BCL2L2: variants seen among roughly 807,000 people sequenced by gnomAD.
The protein encoded by BCL2L2 is bcl-2-like protein 2.
In BCL2L2, 6 loss-of-function variants were observed where a neutral mutation model predicts 14.6. The observed-to-expected ratio is 0.41, with a 90% CI of 0.22 to 0.81. The LOEUF (loss-of-function observed/expected upper bound fraction) is 0.81. Ranked by LOEUF, BCL2L2 falls within the 30% of genes least tolerant of loss-of-function variation. The pLI is 0.32. For missense variants in BCL2L2, 191 were observed against 260.5 expected (o/e 0.73, Z 1.84); for synonymous variants, 90 against 108.5 (o/e 0.83, Z 1.06).
chr14:23,310,985 C>T lies in BCL2L2; in HGVS notation c.*2020C>T. 7.8e-7 allele frequency: 1 copy of T among 1,289,634 alleles called. No homozygotes were observed. Among genetic ancestry groups the T allele is most frequent in the Non-Finnish European group, 1.0e-6 (1 of 988,704 alleles). The allele number at this position is 1,289,634 out of a possible 1,614,324, so 79.9% of individuals were successfully genotyped here. On this transcript the variant is annotated 3_prime_UTR_variant, in exon 4 of 4. Transcript: ENST00000250405. ...CTTCCTTCCCCAGGTATGGAGCACA[C>T]TCTTCACCCTACCCTCTACCACAGG...
rs1887462918 is a variant in BCL2L2 at position 23,309,325 on chromosome 14, A to C, written c.*360A>C. 9.5e-7 allele frequency: 1 copy of C among 1,050,472 alleles called. No individual in the cohort carries two copies. Among genetic ancestry groups the C allele is most frequent in the South Asian group, 4.6e-5 (1 of 21,900 alleles). The allele number at this position is 1,050,472 out of a possible 1,614,324, so 65.1% of individuals were successfully genotyped here. On this transcript the variant is annotated 3_prime_UTR_variant, in exon 4 of 4. Coordinates refer to ENST00000250405, the MANE Select transcript of BCL2L2 (RefSeq NM_004050.5). The stretch of plus-strand genomic sequence containing the variant: ...ATAAGCAGCTGTATTCCATTAGATG[A>C]GTGGGATTTAGGGAACGCAGAAGGC...
Position 23,308,433 on chromosome 14 carries a change from C to G in BCL2L2, c.432+234C>G, listed in dbSNP as rs185924901. On this transcript the variant is annotated intron_variant, in intron 3 of 3. Coordinates refer to ENST00000250405, the MANE Select transcript of BCL2L2 (RefSeq NM_004050.5). This position sits in a 1 kb window ranked among gnomAD's most constrained non-coding sequence, Gnocchi z 5.4. ...TCCCAAGCAGAGGACAGAATACACA[C>G]CCAAGGAGTGCCTGCAGGGGAATGT... 2.0e-5 allele frequency among the ~76,000 whole-genome samples: 3 copies of G among 152,190 alleles called. No homozygotes were observed. The highest frequency in any genetic ancestry group is 6.5e-5 in the Admixed American group (1 of 15,302).
At position 23,307,872 on chromosome 14, in the gene BCL2L2, G is replaced by A. The variant is rs2231300; in HGVS notation, c.105G>A (p.Glu35=). 37,103 of 1,611,808 alleles carry A rather than the reference G, an allele frequency of 0.023. 1,385 individuals are homozygous for A. The highest frequency in any genetic ancestry group is 0.17 in the African/African-American group (12,748 of 74,892). The part of the protein sequence containing the change: ...KGYVCGAGPG[E]GPAADPLHQA... ...ATGTCTGTGGAGCTGGCCCCGGGGA[G>A]GGCCCAGCAGCTGACCCGCTGCACC... Residue 35 remains glutamate (E), a synonymous_variant, in exon 3 of 4, where the codon GAG becomes GAA. Transcript: ENST00000250405.
At position 23,309,566 on chromosome 14, in the gene BCL2L2, C is replaced by A. The variant is rs1159909277; in HGVS notation, c.*601C>A. 1.0e-6 allele frequency: 1 copy of A among 985,472 alleles called. No individual in the cohort carries two copies. Among genetic ancestry groups the A allele is most frequent in the Non-Finnish European group, 1.2e-6 (1 of 830,000 alleles). The allele number at this position is 985,472 out of a possible 1,614,324, so 61.0% of individuals were successfully genotyped here. On this transcript the variant is annotated 3_prime_UTR_variant, in exon 4 of 4. Transcript: ENST00000250405. ...GCAGTTCTCTGTCCCTCCTCCCAAC[C>A]CCTCCTTTCCCCTGCCCTTGTCCTG...
At position 23,310,886 on chromosome 14, in the gene BCL2L2, C is replaced by A. The variant is rs1359151131; in HGVS notation, c.*1921C>A. The A allele has an allele frequency of 1.6e-6, 2 of 1,283,220 alleles. No individual in the cohort carries two copies. Among genetic ancestry groups the A allele is most frequent in the Admixed American group, 2.3e-5 (1 of 43,408 alleles). The allele number at this position is 1,283,220 out of a possible 1,614,324, so 79.5% of individuals were successfully genotyped here. Reference sequence around the variant, plus strand: ...GGGGTTCAGGGTAAGATTTTATTTGCATTAAGGGGTTTGCTGCTGAAAAAA... The same window carrying A: ...GGGGTTCAGGGTAAGATTTTATTTGAATTAAGGGGTTTGCTGCTGAAAAAA... On this transcript the variant is annotated 3_prime_UTR_variant, in exon 4 of 4. Coordinates refer to ENST00000250405, the MANE Select transcript of BCL2L2 (RefSeq NM_004050.5).
Position 23,308,675 on chromosome 14 carries a change from C to A in BCL2L2, c.433-141C>A. The A allele has an allele frequency of 1.5e-6, 1 of 659,976 alleles. No individual in the cohort carries two copies. The highest frequency in any genetic ancestry group is 2.3e-6 in the Non-Finnish European group (1 of 443,592). The allele number at this position is 659,976 out of a possible 1,614,324, so 40.9% of individuals were successfully genotyped here. ...TCAGAGGGGCTTGCAGGGAGAAGAG[C>A]TTTGGCCAGAGAGGAGCTGGGTATG... On this transcript the variant is annotated intron_variant, in intron 3 of 3. Coordinates refer to ENST00000250405, the MANE Select transcript of BCL2L2 (RefSeq NM_004050.5). This position sits in a 1 kb window ranked among gnomAD's most constrained non-coding sequence, Gnocchi z 5.4.
rs558357593 is a variant in BCL2L2, at chr14:23,307,926, C to G, written c.159C>G (p.Phe53Leu). The change falls in exon 3 of 4, where the codon TTC becomes TTG. Residue 53 changes from phenylalanine to leucine, a missense_variant. Phe to Leu is a conservative substitution (Grantham distance 22, BLOSUM62 0). Coordinates refer to ENST00000250405, the MANE Select transcript of BCL2L2 (RefSeq NM_004050.5). Reference protein sequence around the residue: ...HQAMRAAGDEFETRFRRTFSD... With the variant: ...HQAMRAAGDELETRFRRTFSD... Reference sequence around the variant, plus strand: ...CCATGCGGGCAGCTGGAGATGAGTTCGAGACCCGCTTCCGGCGCACCTTCT... The same window carrying G: ...CCATGCGGGCAGCTGGAGATGAGTTGGAGACCCGCTTCCGGCGCACCTTCT... 4 of 1,613,656 alleles carry G rather than the reference C, an allele frequency of 2.5e-6. No individual in the cohort carries two copies. Among genetic ancestry groups the G allele is most frequent in the Non-Finnish European group, 3.4e-6 (4 of 1,179,814 alleles).
Position 23,308,100 on chromosome 14 carries a change from C to T in BCL2L2, c.333C>T (p.Val111=). The T allele has an allele frequency of 6.2e-7, 1 of 1,613,880 alleles. No individual in the cohort carries two copies. Among genetic ancestry groups the T allele is most frequent in the Non-Finnish European group, 8.5e-7 (1 of 1,180,038 alleles). Residue 111 remains valine, a synonymous_variant, in exon 3 of 4, where the codon GTC becomes GTT. Coordinates refer to ENST00000250405, the MANE Select transcript of BCL2L2 (RefSeq NM_004050.5). The surrounding 1 kb of genome is among the most constrained non-coding windows in gnomAD (Gnocchi z 5.4). ...GGGCTGCACTGTGTGCTGAGAGTGT[C>T]AACAAGGAGATGGAACCACTGGTGG... is the stretch of plus-strand genomic sequence containing the variant. ...VFGAALCAES[V]NKEMEPLVGQ... is the part of the protein sequence containing the mutation.
In BCL2L2 at chr14:23,311,453, T is replaced by C. The variant is rs569972619; in HGVS notation, c.*2488T>C. ...GCTCTCCAGAGCCCAAAGGGACAAA[T>C]AGGGACTTTGTTTAGGCCAAGGAAG... On this transcript the variant is annotated 3_prime_UTR_variant, in exon 4 of 4. Transcript: ENST00000250405. 30 of 1,043,702 alleles carry C rather than the reference T, an allele frequency of 2.9e-5. No individual in the cohort carries two copies. In the Admixed American group the frequency reaches 1.2e-3, roughly 41 times the overall value. The allele number at this position is 1,043,702 out of a possible 1,614,324, so 64.7% of individuals were successfully genotyped here. A position where few individuals can be genotyped will look rare whatever the true frequency, so the allele number is the denominator to read the frequency against.
chr14:23,308,269 C>T lies in BCL2L2; in HGVS notation c.432+70C>T, dbSNP rs908341466. 3.2e-5 allele frequency: 48 copies of T among 1,488,048 alleles called. No homozygotes were observed. Among genetic ancestry groups the T allele is most frequent in the Non-Finnish European group, 3.6e-5 (40 of 1,124,128 alleles). The allele number at this position is 1,488,048 out of a possible 1,614,324, so 92.2% of individuals were successfully genotyped here. ...CTGGTCTCCAGGGGGAAGATGGGGG[C>T]TCTGATTGGAGGCTGAGGCAGCTAT... On this transcript the variant is annotated intron_variant, in intron 3 of 3. Coordinates refer to ENST00000250405, the MANE Select transcript of BCL2L2 (RefSeq NM_004050.5). This position sits in a 1 kb window ranked among gnomAD's most constrained non-coding sequence, Gnocchi z 5.4.
chr14:23,310,111 G>T lies in BCL2L2; in HGVS notation c.*1146G>T, dbSNP rs952146123. The T allele has an allele frequency of 8.1e-6, 8 of 985,336 alleles. No homozygotes were observed. Among genetic ancestry groups the T allele is most frequent in the African/African-American group, 3.5e-5 (2 of 57,194 alleles). The allele number at this position is 985,336 out of a possible 1,614,324, so 61.0% of individuals were successfully genotyped here. A position where few individuals can be genotyped will look rare whatever the true frequency, so the allele number is the denominator to read the frequency against. On this transcript the variant is annotated 3_prime_UTR_variant, in exon 4 of 4. Coordinates refer to ENST00000250405, the MANE Select transcript of BCL2L2 (RefSeq NM_004050.5). The stretch of plus-strand genomic sequence containing the variant: ...TGGGCTTTGGTTCGGCTTTATCAGG[G>T]GCCAGGCATATGGGTTCTAGAGTAC...
Position 23,308,997 on chromosome 14 carries a change from TG to T in BCL2L2, c.*37del. Reference sequence around the variant, plus strand: ...AGGGCCAGGTGGGGCTAGGTGTGGCTGGGGGCCAGGAGAGCAGGAACAGAAC... The same window carrying T: ...AGGGCCAGGTGGGGCTAGGTGTGGCTGGGGCCAGGAGAGCAGGAACAGAAC... On this transcript the variant is annotated 3_prime_UTR_variant, in exon 4 of 4. Coordinates refer to ENST00000250405, the MANE Select transcript of BCL2L2 (RefSeq NM_004050.5). The surrounding 1 kb of genome is among the most constrained non-coding windows in gnomAD (Gnocchi z 5.4). The T allele has an allele frequency of 7.6e-7, 1 of 1,319,670 alleles. No individual in the cohort carries two copies. The highest frequency in any genetic ancestry group is 9.7e-7 in the Non-Finnish European group (1 of 1,025,912). 81.7% of individuals were successfully genotyped at this position (1,319,670 alleles called of 1,614,324 possible).
In BCL2L2 at chr14:23,309,365, TG is replaced by T; in HGVS notation, c.*402del. The T allele has an allele frequency of 9.9e-7, 1 of 1,007,194 alleles. No homozygotes were observed. Among genetic ancestry groups the T allele is most frequent in the Non-Finnish European group, 1.2e-6 (1 of 844,636 alleles). The allele number at this position is 1,007,194 out of a possible 1,614,324, so 62.4% of individuals were successfully genotyped here. On this transcript the variant is annotated 3_prime_UTR_variant, in exon 4 of 4. Coordinates refer to ENST00000250405, the MANE Select transcript of BCL2L2 (RefSeq NM_004050.5). ...ACGCAGAAGGCACATCCCTTTGGAATGGAAGCTTAGGGGTTCTCAGGTGATA... is the reference window on the plus strand; with the variant it reads ...ACGCAGAAGGCACATCCCTTTGGAATGAAGCTTAGGGGTTCTCAGGTGATA...
At position 23,308,729 on chromosome 14, in the gene BCL2L2, A is replaced by G; in HGVS notation, c.433-87A>G. The G allele has an allele frequency of 9.0e-7, 1 of 1,116,930 alleles. No individual in the cohort carries two copies. Among genetic ancestry groups the G allele is most frequent in the Non-Finnish European group, 1.2e-6 (1 of 842,892 alleles). 69.2% of individuals were successfully genotyped at this position (1,116,930 alleles called of 1,614,324 possible). On this transcript the variant is annotated intron_variant, in intron 3 of 3. Transcript: ENST00000250405. The surrounding 1 kb of genome is among the most constrained non-coding windows in gnomAD (Gnocchi z 5.4). ...TAGTGCTCGCAGTGGATGGAACTGGAACTCTTCCTCTCCTCTTCTCTCCAC... is the reference window on the plus strand; with the variant it reads ...TAGTGCTCGCAGTGGATGGAACTGGGACTCTTCCTCTCCTCTTCTCTCCAC...
Position 23,307,888 on chromosome 14 carries a change from C to T in BCL2L2, c.121C>T (p.Pro41Ser). The change falls in exon 3 of 4, where the codon CCG becomes TCG. Residue 41 changes from proline to serine, a missense_variant. Pro to Ser is a moderately conservative substitution (Grantham distance 74, BLOSUM62 -1). Transcript: ENST00000250405. ...CCCCGGGGAGGGCCCAGCAGCTGAC[C>T]CGCTGCACCAAGCCATGCGGGCAGC... ...AGPGEGPAAD[P>S]LHQAMRAAGD... The T allele has an allele frequency of 6.2e-7, 1 of 1,613,178 alleles. No individual in the cohort carries two copies. The highest frequency in any genetic ancestry group is 8.5e-7 in the Non-Finnish European group (1 of 1,179,668).
In BCL2L2 at chr14:23,308,434, C is replaced by T. The variant is rs1469201748; in HGVS notation, c.432+235C>T. 1.3e-5 allele frequency among the ~76,000 whole-genome samples: 2 copies of T among 152,026 alleles called. No individual in the cohort carries two copies. Among genetic ancestry groups the T allele is most frequent in the African/African-American group, 4.8e-5 (2 of 41,374 alleles). On this transcript the variant is annotated intron_variant, in intron 3 of 3. Coordinates refer to ENST00000250405, the MANE Select transcript of BCL2L2 (RefSeq NM_004050.5). The surrounding 1 kb of genome is among the most constrained non-coding windows in gnomAD (Gnocchi z 5.4). ...CCCAAGCAGAGGACAGAATACACAC[C>T]CAAGGAGTGCCTGCAGGGGAATGTT... is the stretch of plus-strand genomic sequence containing the variant.
At position 23,311,124 on chromosome 14, in the gene BCL2L2, A is replaced by T; in HGVS notation, c.*2159A>T. ...AGCCTTGACACCTGGGTGGAAAGAGAGGCTGTTTTCTGAAAGGGTAAAGGG... is the reference window on the plus strand; with the variant it reads ...AGCCTTGACACCTGGGTGGAAAGAGTGGCTGTTTTCTGAAAGGGTAAAGGG... On this transcript the variant is annotated 3_prime_UTR_variant, in exon 4 of 4. Transcript: ENST00000250405. 2 of 1,288,556 alleles carry T rather than the reference A, an allele frequency of 1.6e-6. No individual in the cohort carries two copies. The highest frequency in any genetic ancestry group is 3.0e-5 in the African/African-American group (2 of 65,928). The allele number at this position is 1,288,556 out of a possible 1,614,324, so 79.8% of individuals were successfully genotyped here. A position where few individuals can be genotyped will look rare whatever the true frequency, so the allele number is the denominator to read the frequency against.
rs1330236672 is a variant in BCL2L2, at chr14:23,311,643, A to G, written c.*2678A>G. The G allele has an allele frequency of 3.2e-6, 3 of 927,934 alleles. No individual in the cohort carries two copies. 57.5% of individuals were successfully genotyped at this position (927,934 alleles called of 1,614,324 possible). ...TATAAATATAAATCTATATTCCTGTATTTTTATTTAATAATTTATAAATAC... is the reference window on the plus strand; with the variant it reads ...TATAAATATAAATCTATATTCCTGTGTTTTTATTTAATAATTTATAAATAC... On this transcript the variant is annotated 3_prime_UTR_variant, in exon 4 of 4. Transcript: ENST00000250405.
chr14:23,308,861 C>T lies in BCL2L2; in HGVS notation c.478C>T (p.Arg160Trp), dbSNP rs1307847870. ...LYGDGALEEA[R>W]RLREGNWASV... ...CGGGGACGGGGCCCTGGAGGAGGCGCGGCGTCTGCGGGAGGGGAACTGGGC... is the reference window on the plus strand; with the variant it reads ...CGGGGACGGGGCCCTGGAGGAGGCGTGGCGTCTGCGGGAGGGGAACTGGGC... The change falls in exon 4 of 4, where the codon CGG (arginine) becomes TGG (tryptophan). Residue 160 changes from arginine to tryptophan, a missense_variant. Physicochemically the swap from Arg to Trp is moderately radical, Grantham distance 101. Coordinates refer to ENST00000250405, the MANE Select transcript of BCL2L2 (RefSeq NM_004050.5). The surrounding 1 kb of genome is among the most constrained non-coding windows in gnomAD (Gnocchi z 5.4). The T allele has an allele frequency of 4.5e-6, 6 of 1,319,886 alleles. No individual in the cohort carries two copies. The highest frequency in any genetic ancestry group is 3.0e-5 in the South Asian group (1 of 32,944). The allele number at this position is 1,319,886 out of a possible 1,614,324, so 81.8% of individuals were successfully genotyped here.
Sources: gnomAD v4.1 joint callset for allele counts (sites outside exome capture counted in the v4.1 genomes callset) on GRCh38, gnomAD v4.1.1 for gene constraint, Gnocchi (gnomAD v3.1) non-coding constraint, MANE v1.5 for transcripts, NCBI Gene and HGNC (gene_info 2026-07-23, HGNC 2026-07-21) for gene names.